UBTF: variants seen among roughly 807,000 people sequenced by gnomAD.
The protein encoded by UBTF is nucleolar transcription factor 1.
Under a neutral mutation model 112.3 loss-of-function variants are expected in UBTF, and 8 were observed. The ratio of observed to expected loss-of-function variants is 0.07; its 90% CI spans 0.04 to 0.13. The LOEUF is 0.13. Ranked by LOEUF, UBTF falls within the 10% of genes least tolerant of loss-of-function variation. The probability of loss-of-function intolerance (pLI) is 1.00; values close to 1 mark genes in which losing one functional copy is unlikely to be tolerated. For missense variants in UBTF, 457 were observed against 982.1 expected, an observed-to-expected ratio of 0.47 and a Z score of 7.15; for synonymous variants, 417 against 373.1, an observed-to-expected ratio of 1.12 and a Z score of -1.36.
intron 3 of UBTF, 143 bp downstream of exon 3, chr17:44,216,386 G>A: frequency 1.0e-6 from 1 of 981,504 alleles, no homozygotes; most frequent in Non-Finnish European, 1.5e-6. Context: ...CTCCCAAAAT[G>A]CAAAGGGGCA....
At chr17:44,212,716 C>A in intron 7 of UBTF, 103 bp downstream of exon 7, 1 of 1,548,912 alleles carries the variant, frequency 6.5e-7, no homozygotes, top group Non-Finnish European at 8.7e-7. Flanking sequence ...TGGGGAGGGG[C>A]CTCCTCTCCT....
intron 1 of UBTF, 102 bp downstream of exon 1, chr17:44,219,343 C>T (rs1311644449): frequency 6.6e-6 from 1 of 151,204 alleles, no homozygotes; most frequent in Admixed American, 6.6e-5. Flanking sequence ...GTCGCCTGCT[C>T]GGTGGTCGCT....
chr17:44,218,829 G>A (rs903754042), intron 1 of UBTF, among the ~76,000 whole-genome samples: 4 of 150,230 alleles, frequency 2.7e-5, no homozygotes, highest in South Asian at 2.1e-4. Flanking sequence ...CGGAGCGGCC[G>A]CACCGCCCCC....
chr17:44,215,792 T>G lies in UBTF; in HGVS notation c.336A>C (p.Pro112=), dbSNP rs1417501093. The change falls in exon 5 of 21, where the codon CCA becomes CCC. Residue 112 remains proline, a synonymous_variant. Coordinates refer to ENST00000436088, the MANE Select transcript of UBTF (RefSeq NM_014233.4). Reference sequence around the variant, plus strand: ...GGAAATAAGGGGTCAGGGGCTTCTTTGGGAAGTCTGGGTGTTTCTGGAAGA... The same window carrying G: ...GGAAATAAGGGGTCAGGGGCTTCTTGGGGAAGTCTGGGTGTTTCTGGAAGA... ...GKKLKKHPDF[P]KKPLTPYFRF... 6.2e-7 allele frequency: 1 copy of G among 1,614,122 alleles called. No homozygotes were observed. The highest frequency in any genetic ancestry group is 2.2e-5 in the East Asian group (1 of 44,888).
chr17:44,215,885 C>T (rs200734863), intron 4 of UBTF, 21 bp downstream of exon 4: 70 of 1,613,958 alleles, frequency 4.3e-5, no homozygotes, highest in Non-Finnish European at 5.8e-5. Context: ...ACCCCTCATG[C>T]TCCTCCTCCT....
At chr17:44,210,724 C>A (rs2056614334) in intron 13 of UBTF, 68 bp downstream of exon 13, 3 of 1,537,640 alleles carry the variant, frequency 2.0e-6, no homozygotes, top group Non-Finnish European at 2.6e-6. Flanking sequence ...GGTGGCACGG[C>A]CCGCCAAGGG....
upstream of UBTF, chr17:44,221,078 C>G (rs1352003442): frequency 6.7e-6 from 1 of 148,562 alleles, no homozygotes; most frequent in African/African-American, 2.5e-5. Context: ...TCCCACTGCT[C>G]TAGGGGTTGC....
Position 44,205,837 on chromosome 17 carries a change from TAA to T in UBTF, c.*1403_*1404del, listed in dbSNP as rs1391456944. ...ACAGAGATAAGGTGGCTTGGCTTAT[TAA>T]GAGTCAAGGAATCAAGGTACCAAAA... is the stretch of plus-strand genomic sequence containing the variant. On this transcript the variant is annotated 3_prime_UTR_variant, in exon 21 of 21. Coordinates refer to ENST00000436088, the MANE Select transcript of UBTF (RefSeq NM_014233.4). 1 of 152,188 alleles carries T rather than the reference TAA, an allele frequency of 6.6e-6. No individual in the cohort carries two copies. The highest frequency in any genetic ancestry group is 1.5e-5 in the Non-Finnish European group (1 of 68,030). 9.4% of individuals were successfully genotyped at this position (152,188 alleles called of 1,614,324 possible).
intron 16 of UBTF, 25 bp downstream of exon 16, chr17:44,209,620 G>A: frequency 6.2e-7 from 1 of 1,614,066 alleles, no homozygotes; most frequent in Non-Finnish European, 8.5e-7. Flanking sequence ...CGACCTCCAG[G>A]GCAGACTCCA....
rs2056242250 is a variant in UBTF, at chr17:44,206,424, A to ACACACACT, written c.*810_*817dup. 6.7e-6 allele frequency: 1 copy of ACACACACT among 150,320 alleles called. No individual in the cohort carries two copies. Among genetic ancestry groups the ACACACACT allele is most frequent in the Non-Finnish European group, 1.5e-5 (1 of 67,564 alleles). 9.3% of individuals were successfully genotyped at this position (150,320 alleles called of 1,614,324 possible). On this transcript the variant is annotated 3_prime_UTR_variant, in exon 21 of 21. Coordinates refer to ENST00000436088, the MANE Select transcript of UBTF (RefSeq NM_014233.4). ...AGGACAGACCCCTTTACACACACACACACACACTCACACTCTTTTGCACAC... is the reference window on the plus strand; with the variant it reads ...AGGACAGACCCCTTTACACACACACACACACACTCACACACTCACACTCTTTTGCACAC...
At position 44,211,542 on chromosome 17, in the gene UBTF, C is replaced by T; in HGVS notation, c.1047+64G>A. The T allele has an allele frequency of 1.9e-6, 3 of 1,577,038 alleles. No individual in the cohort carries two copies. The highest frequency in any genetic ancestry group is 2.6e-6 in the Non-Finnish European group (3 of 1,162,244). On this transcript the variant is annotated intron_variant, in intron 10 of 20. Transcript: ENST00000436088. The surrounding 1 kb of genome is among the most constrained non-coding windows in gnomAD (Gnocchi z 4.9). ...CACACGCCACCAGGGACTGACTGGC[C>T]CAAGATGGGATCAGACCTCATGCTT...
chr17:44,209,647 G>T lies in UBTF; in HGVS notation c.1713C>A (p.Pro571=). 6.2e-7 allele frequency: 1 copy of T among 1,614,176 alleles called. No homozygotes were observed. The highest frequency in any genetic ancestry group is 8.5e-7 in the Non-Finnish European group (1 of 1,180,030). ...MKFQGEPKKP[P]MNGYQKFSQE... ...CAGACTCCAACCCCCAGGCTCACAT[G>T]GGAGGCTTCTTGGGTTCTCCCTGGA... The change falls in exon 16 of 21, where the codon CCC becomes CCA. Residue 571 remains proline (P), a splice_region_variant and synonymous_variant. Transcript: ENST00000436088.
At chr17:44,219,963 G>A (rs2047092169), upstream of UBTF, among the ~76,000 whole-genome samples, 1 of 151,044 alleles carries the variant, frequency 6.6e-6, no homozygotes, top group South Asian at 2.1e-4. Context: ...GCTGGGAGGA[G>A]GGGCGGGAGC....
rs2526013 is a variant in UBTF at position 44,210,529 on chromosome 17, C to T, written c.1360-56G>A. 1.2e-4 allele frequency: 177 copies of T among 1,499,274 alleles called. 2 individuals carry two copies. In the East Asian group the frequency reaches 4.3e-3, roughly 36 times the overall value. The allele number at this position is 1,499,274 out of a possible 1,614,324, so 92.9% of individuals were successfully genotyped here. Reference sequence around the variant, plus strand: ...ACCCACCCCCAGGGGGCGCGCGCTCCCCGCGCAGCAGCCCAGGCGCTCCCG... The same window carrying T: ...ACCCACCCCCAGGGGGCGCGCGCTCTCCGCGCAGCAGCCCAGGCGCTCCCG... On this transcript the variant is annotated intron_variant, in intron 13 of 20. Coordinates refer to ENST00000436088, the MANE Select transcript of UBTF (RefSeq NM_014233.4).
In UBTF at chr17:44,206,413, TAC is replaced by T. The variant is rs3837836; in HGVS notation, c.*827_*828del. 2,630 of 146,782 alleles carry T rather than the reference TAC, an allele frequency of 0.018. 54 individuals are homozygous for T. Among genetic ancestry groups the T allele is most frequent in the East Asian group, 0.059 (289 of 4,898 alleles). 9.1% of individuals were successfully genotyped at this position (146,782 alleles called of 1,614,324 possible). On this transcript the variant is annotated 3_prime_UTR_variant, in exon 21 of 21. Transcript: ENST00000436088. ...ATGTGGGCTCTAGGACAGACCCCTT[TAC>T]ACACACACACACACACTCACACTCT...
intron 14 of UBTF, 30 bp from the exon 15 acceptor site, chr17:44,210,264 G>A (rs1221789646): frequency 4.3e-6 from 7 of 1,614,116 alleles, no homozygotes; most frequent in East Asian, 2.2e-5. Flanking sequence ...TCAGCCGTGG[G>A]AGGGGTCACC....
chr17:44,220,485 C>T (rs1289994809), upstream of UBTF, among the ~76,000 whole-genome samples: 3 of 150,758 alleles, frequency 2.0e-5, no homozygotes, highest in African/African-American at 7.4e-5. Flanking sequence ...CTCTCCTTGC[C>T]GAACGGCACA....
chr17:44,207,593 G>A lies in UBTF; in HGVS notation c.2030C>T (p.Ser677Phe), dbSNP rs867081057. The A allele has an allele frequency of 6.2e-7, 1 of 1,614,026 alleles. No homozygotes were observed. Among genetic ancestry groups the A allele is most frequent in the Non-Finnish European group, 8.5e-7 (1 of 1,179,994 alleles). The change falls in exon 20 of 21, where the codon TCC (serine) becomes TTC (phenylalanine). Residue 677 changes from serine (S) to phenylalanine (F), a missense_variant. Physicochemically the swap from Ser to Phe is radical, Grantham distance 155 (BLOSUM62 -2). Transcript: ENST00000436088. The part of the protein sequence containing the change: ...SRTTLQSKSE[S>F]EEDDEEDEDD... ...CTCATCCTCTTCATCATCCTCCTCG[G>A]ACTCCTTGGAGGGATGGAGGCACAT...
chr17:44,210,492 C>A lies in UBTF; in HGVS notation c.1360-19G>T. On this transcript the variant is annotated intron_variant, in intron 13 of 20. Transcript: ENST00000436088. ...ACTTGGCCTGCGGGGATGGCCCGGG[C>A]GTCAGCCTTCCACCCACCCCCAGGG... 1.9e-6 allele frequency: 3 copies of A among 1,578,952 alleles called. No individual in the cohort carries two copies. Among genetic ancestry groups the A allele is most frequent in the East Asian group, 4.5e-5 (2 of 44,118 alleles).
Sources: gnomAD v4.1 joint callset for allele counts (sites outside exome capture counted in the v4.1 genomes callset) on GRCh38, gnomAD v4.1.1 for gene constraint, Gnocchi (gnomAD v3.1) non-coding constraint, MANE v1.5 for transcripts, NCBI Gene and HGNC (gene_info 2026-07-23, HGNC 2026-07-21) for gene names.